MACO1: variants seen among roughly 807,000 people sequenced by gnomAD.
MACO1 encodes macoilin.
Under a neutral mutation model 78.7 loss-of-function variants are expected in MACO1, and 14 were observed. The observed-to-expected ratio is 0.18, with a 90% CI of 0.12 to 0.28. The LOEUF (loss-of-function observed/expected upper bound fraction) is 0.28, where lower values mean the gene tolerates loss of function less well. MACO1 is among the 10% of genes least tolerant of loss of function. MACO1 has a pLI of 1.00. For missense variants in MACO1, 501 were observed against 799.0 expected (o/e 0.63, Z 4.50); for synonymous variants, 288 against 291.6 (o/e 0.99, Z 0.12).
At chr1:25,445,981 T>C (rs1485204520) in intron 1 of MACO1, among the ~76,000 whole-genome samples, 1 of 152,204 alleles carries the variant, frequency 6.6e-6, no homozygotes, top group Non-Finnish European at 1.5e-5. Context: ...AATAATATTT[T>C]TTTTCTGTGT....
At chr1:25,455,041 A>G (rs1023143791) in intron 4 of MACO1, among the ~76,000 whole-genome samples, 8 of 152,190 alleles carry the variant, frequency 5.3e-5, no homozygotes, top group African/African-American at 1.9e-4. Flanking sequence ...GAAGTGATAC[A>G]TGTATTCAAC....
chr1:25,454,140 ATTTAG>A, intron 3 of MACO1, 114 bp from the exon 4 acceptor site: 1 of 1,209,214 alleles, frequency 8.3e-7, no homozygotes, highest in Non-Finnish European at 1.1e-6. Flanking sequence ...TTGCCTTTTA[ATTTAG>A]TTTAGGTGAA....
intron 1 of MACO1, among the ~76,000 whole-genome samples, chr1:25,443,974 A>G (rs1249969713): frequency 1.3e-5 from 2 of 150,490 alleles, no homozygotes; most frequent in Admixed American, 6.6e-5. Flanking sequence ...TGTCTTGGCC[A>G]GACACAGTGG....
At chr1:25,437,563 C>G (rs2042930752) in intron 1 of MACO1, among the ~76,000 whole-genome samples, 1 of 152,070 alleles carries the variant, frequency 6.6e-6, no homozygotes, top group Non-Finnish European at 1.5e-5. Flanking sequence ...ATGTTCATGT[C>G]CAAAGTAAGG....
At chr1:25,482,437 A>C (rs1571984910) in intron 6 of MACO1, among the ~76,000 whole-genome samples, 1 of 151,010 alleles carries the variant, frequency 6.6e-6, no homozygotes, top group African/African-American at 2.4e-5. Flanking sequence ...ATCCTTTCCT[A>C]CTCTCTCCCC....
At position 25,498,434 on chromosome 1, in the gene MACO1, A is replaced by C. The variant is rs767176337; in HGVS notation, c.1963A>C (p.Asn655His). The change falls in exon 11 of 11, where the codon AAT becomes CAT. Residue 655 changes from asparagine (N) to histidine (H), a missense_variant. By Grantham distance (68) the Asn-to-His change is moderately conservative. This residue lies in a region of MACO1 where 66 missense variants were observed against 101.6 expected (regional missense o/e 0.65). Transcript: ENST00000374343. ...GACCAGCCCCTCTGGACTTGACCCC[A>C]ATGCCTCTGTTTACCAGCCCCTGAA... The part of the protein sequence containing the change: ...VETSPSGLDP[N>H]ASVYQPLKK 6 of 1,613,020 alleles carry C rather than the reference A, an allele frequency of 3.7e-6. No individual in the cohort carries two copies. The Admixed American group carries it at 1.0e-4, about 27-fold the overall frequency.
chr1:25,466,735 G>A (rs2043223028), intron 6 of MACO1, among the ~76,000 whole-genome samples: 1 of 152,178 alleles, frequency 6.6e-6, no homozygotes, highest in East Asian at 1.9e-4. Context: ...CTTTCAGTCT[G>A]AGGCTTTTTA....
chr1:25,462,330 C>G (rs1229798944), intron 6 of MACO1, among the ~76,000 whole-genome samples: 2 of 152,012 alleles, frequency 1.3e-5, no homozygotes, highest in Admixed American at 6.6e-5. Flanking sequence ...CACGTGCATT[C>G]ATATGCAGGT....
intron 6 of MACO1, among the ~76,000 whole-genome samples, chr1:25,467,072 A>G (rs1191956850): frequency 6.6e-6 from 1 of 151,800 alleles, no homozygotes; most frequent in African/African-American, 2.4e-5. Context: ...CAGCCTGACC[A>G]ACATGGTGAA....
chr1:25,463,612 A>G (rs1228170717), intron 6 of MACO1, among the ~76,000 whole-genome samples: 2 of 152,258 alleles, frequency 1.3e-5, no homozygotes, highest in African/African-American at 4.8e-5. Context: ...GTTTTAACTA[A>G]GTACTAAGTT....
chr1:25,446,712 A>G (rs373208294), intron 1 of MACO1, 50 bp from the exon 2 acceptor site: 104 of 1,496,498 alleles, frequency 6.9e-5, no homozygotes, highest in Non-Finnish European at 9.2e-5. Context: ...TTCTATTTCT[A>G]GTTATTCACA....
intron 1 of MACO1, among the ~76,000 whole-genome samples, chr1:25,435,563 T>A (rs2042912484): frequency 6.6e-6 from 1 of 152,234 alleles, no homozygotes; most frequent in Non-Finnish European, 1.5e-5. Context: ...AGTTTTAGAC[T>A]CCTTTGGGCT....
At chr1:25,436,047 C>T (rs1479569296) in intron 1 of MACO1, among the ~76,000 whole-genome samples, 1 of 152,166 alleles carries the variant, frequency 6.6e-6, no homozygotes, top group East Asian at 1.9e-4. Flanking sequence ...TGCTTAAAAG[C>T]TTCCTGTTTT....
In MACO1 at chr1:25,455,902, A is replaced by AT. The variant is rs142447738; in HGVS notation, c.474-740dup. Among the ~76,000 whole-genome samples, 301 of 148,346 alleles carry AT rather than the reference A, an allele frequency of 2.0e-3. 1 individual carries two copies. Among genetic ancestry groups the AT allele is most frequent in the African/African-American group, 5.6e-3 (229 of 40,554 alleles). On this transcript the variant is annotated intron_variant, in intron 4 of 10. Transcript: ENST00000374343. ...TTGAAAATCAAATGATGTCCTTGTG[A>AT]TTTTTTTTTTTAACACTTATGTTTA...
chr1:25,462,400 A>G (rs184046379), intron 6 of MACO1, among the ~76,000 whole-genome samples: 1 of 152,174 alleles, frequency 6.6e-6, no homozygotes, highest in African/African-American at 2.4e-5. Context: ...CCCATCACCT[A>G]GACAGTGAAC....
At chr1:25,463,917 T>C (rs553394491) in intron 6 of MACO1, among the ~76,000 whole-genome samples, 8 of 152,358 alleles carry the variant, frequency 5.3e-5, no homozygotes, top group African/African-American at 1.7e-4. Flanking sequence ...ATATACCTGC[T>C]GTCCCCACAC....
chr1:25,442,339 C>T (rs889784739), intron 1 of MACO1, among the ~76,000 whole-genome samples: 67 of 152,286 alleles, frequency 4.4e-4, no homozygotes, highest in African/African-American at 1.3e-3. Context: ...CAAAAGGTGA[C>T]TCACAGTTGC....
At chr1:25,498,239 T>C (rs1382815107) in intron 10 of MACO1, 25 bp from the exon 11 acceptor site, 1 of 1,613,380 alleles carries the variant, frequency 6.2e-7, no homozygotes, top group Non-Finnish European at 8.5e-7. Flanking sequence ...CCCTTTTCAC[T>C]AATGGTGGGT....
chr1:25,487,249 G>T (rs573836964), intron 8 of MACO1, among the ~76,000 whole-genome samples: 1 of 152,252 alleles, frequency 6.6e-6, no homozygotes, highest in African/African-American at 2.4e-5. Context: ...TGCCACCCAG[G>T]TTCAAGCGAT....
Sources: gnomAD v4.1 joint callset for allele counts (sites outside exome capture counted in the v4.1 genomes callset) on GRCh38, gnomAD v4.1.1 for gene constraint, gnomAD v4.1.1 regional missense constraint, MANE v1.5 for transcripts, NCBI Gene and HGNC (gene_info 2026-07-23, HGNC 2026-07-21) for gene names.